SLC5A8: variants seen among roughly 807,000 people sequenced by gnomAD.
SLC5A8 encodes solute carrier family 5 member 8.
In SLC5A8, 55 loss-of-function variants were observed where a neutral mutation model predicts 71.9. The observed-to-expected ratio is 0.77, with a 90% CI of 0.62 to 0.96. The LOEUF is 0.96. Among genes scored for constraint, SLC5A8 ranks in the 40% least tolerant of loss-of-function variants. The pLI is 0.00. For synonymous variants in SLC5A8, 307 were observed against 276.1 expected, an observed-to-expected ratio of 1.11 and a Z score of -1.11; for missense variants, 701 against 745.3, an observed-to-expected ratio of 0.94 and a Z score of 0.69.
chr12:101,170,436 G>T (rs1479383464), intron 10 of SLC5A8, among the ~76,000 whole-genome samples: 3 of 152,112 alleles, frequency 2.0e-5, no homozygotes, highest in African/African-American at 4.8e-5. Flanking sequence ...CAGCCCGCTA[G>T]GGACCCTGGA....
chr12:101,206,079 C>T (rs1445623575), intron 1 of SLC5A8, among the ~76,000 whole-genome samples: 1 of 152,146 alleles, frequency 6.6e-6, no homozygotes, highest in Non-Finnish European at 1.5e-5. Flanking sequence ...TAATTTGTTT[C>T]CCTCTCATTT....
At chr12:101,196,863 C>T (rs1311840620) in intron 3 of SLC5A8, among the ~76,000 whole-genome samples, 2 of 152,144 alleles carry the variant, frequency 1.3e-5, no homozygotes, top group African/African-American at 4.8e-5. Context: ...GATAACTGGG[C>T]CACTCAACAG....
In SLC5A8 at chr12:101,169,686, G is replaced by C. The variant is rs777585752; in HGVS notation, c.1234-1504C>G. Among the ~76,000 whole-genome samples, 52 of 152,230 alleles carry C rather than the reference G, an allele frequency of 3.4e-4. 1 individual carries two copies. The highest frequency in any genetic ancestry group is 2.1e-4 in the South Asian group (1 of 4,816). ...GCCCAAGTGGCCAAGGAAATTTCAG[G>C]GAGCACTTGGGGTCATCAGATAATA... On this transcript the variant is annotated intron_variant, in intron 10 of 14. Coordinates refer to ENST00000536262, the MANE Select transcript of SLC5A8 (RefSeq NM_145913.5).
Position 101,200,299 on chromosome 12 carries a change from G to A in SLC5A8, c.469+1865C>T, listed in dbSNP as rs146828541. ...GACGGAAATAGTCTATATCTTGAGC[G>A]GGGTGGTAGTCACACAAGCTATTAG... On this transcript the variant is annotated intron_variant, in intron 3 of 14. Transcript: ENST00000536262. Among the ~76,000 whole-genome samples, 85 of 152,034 alleles carry A rather than the reference G, an allele frequency of 5.6e-4. 1 individual carries two copies. The East Asian group carries it at 0.013, about 22-fold the overall frequency.
intron 4 of SLC5A8, 94 bp downstream of exon 4, chr12:101,195,001 G>A: frequency 8.2e-7 from 1 of 1,212,528 alleles, no homozygotes; most frequent in Non-Finnish European, 1.2e-6. Flanking sequence ...GAGAGTAAGT[G>A]TGGACAAACA....
chr12:101,164,485 C>G (rs1206602434), intron 12 of SLC5A8, among the ~76,000 whole-genome samples: 1 of 152,116 alleles, frequency 6.6e-6, no homozygotes, highest in Non-Finnish European at 1.5e-5. Flanking sequence ...TCTAGGCAAC[C>G]AAAGCATCAC....
intron 6 of SLC5A8, among the ~76,000 whole-genome samples, chr12:101,190,241 A>G (rs1868835941): frequency 6.6e-6 from 1 of 152,216 alleles, no homozygotes; most frequent in Admixed American, 6.5e-5. Context: ...ATGCACAATA[A>G]ATGCTGATTT....
intron 10 of SLC5A8, among the ~76,000 whole-genome samples, chr12:101,173,474 C>T (rs1395061681): frequency 1.3e-5 from 2 of 152,194 alleles, no homozygotes; most frequent in Non-Finnish European, 2.9e-5. Context: ...CACCCAGGAT[C>T]ATCATTCCAC....
intron 2 of SLC5A8, among the ~76,000 whole-genome samples, chr12:101,202,884 C>A (rs1442710118): frequency 6.6e-6 from 1 of 152,084 alleles, no homozygotes; most frequent in Non-Finnish European, 1.5e-5. Context: ...CCCATAAAAG[C>A]AAATTCCATG....
At chr12:101,177,301 T>C (rs2051888010) in intron 10 of SLC5A8, among the ~76,000 whole-genome samples, 1 of 152,096 alleles carries the variant, frequency 6.6e-6, no homozygotes, top group East Asian at 1.9e-4. Context: ...CCCAGATGCT[T>C]TCCCTAGAGA....
chr12:101,201,895 C>T (rs1869468374), intron 3 of SLC5A8, among the ~76,000 whole-genome samples: 1 of 152,114 alleles, frequency 6.6e-6, no homozygotes, highest in Non-Finnish European at 1.5e-5. Context: ...AGCTTTAATT[C>T]TAAAGGAGTG....
rs1333441288 is a variant in SLC5A8, at chr12:101,193,823, T to C, written c.538-44A>G. 5 of 1,593,592 alleles carry C rather than the reference T, an allele frequency of 3.1e-6. No individual in the cohort carries two copies. The African/African-American group carries it at 6.8e-5, about 22-fold the overall frequency. On this transcript the variant is annotated intron_variant, in intron 4 of 14. Coordinates refer to ENST00000536262, the MANE Select transcript of SLC5A8 (RefSeq NM_145913.5). ...TTAGGATTAATGCTTCTATTAGACA[T>C]TATTAAGCATCTACACACTTATACA...
intron 7 of SLC5A8, among the ~76,000 whole-genome samples, chr12:101,185,928 C>T (rs1223193252): frequency 6.6e-6 from 1 of 151,994 alleles, no homozygotes; most frequent in Non-Finnish European, 1.5e-5. Context: ...CATGGTATCC[C>T]CAGTGAAGTG....
intron 1 of SLC5A8, 132 bp downstream of exon 1, chr12:101,209,366 G>A (rs1394801321): frequency 1.9e-5 from 13 of 677,926 alleles, no homozygotes; most frequent in Non-Finnish European, 4.9e-6. Context: ...TGAAGGGAGG[G>A]TGATGATGAC....
At chr12:101,183,928 G>C (rs1476941543) in intron 8 of SLC5A8, among the ~76,000 whole-genome samples, 1 of 152,026 alleles carries the variant, frequency 6.6e-6, no homozygotes, top group Non-Finnish European at 1.5e-5. Context: ...TAGAGAGCAG[G>C]GACCTAGTTA....
At chr12:101,166,313 T>A (rs569325780) in intron 12 of SLC5A8, among the ~76,000 whole-genome samples, 181 bp downstream of exon 12, 1 of 152,154 alleles carries the variant, frequency 6.6e-6, no homozygotes, top group Non-Finnish European at 1.5e-5. Flanking sequence ...TCTAGAGAAA[T>A]TATGAAAATA....
intron 14 of SLC5A8, among the ~76,000 whole-genome samples, chr12:101,157,680 A>T (rs1246400845): frequency 6.6e-6 from 1 of 152,184 alleles, no homozygotes; most frequent in Non-Finnish European, 1.5e-5. Context: ...GATATAACAG[A>T]TATAAGTTAT....
intron 13 of SLC5A8, among the ~76,000 whole-genome samples, chr12:101,160,167 G>A (rs2051711346): frequency 6.6e-6 from 1 of 152,086 alleles, no homozygotes; most frequent in Non-Finnish European, 1.5e-5. Context: ...GGGCAAAAGA[G>A]CGAGATTCCA....
chr12:101,186,904 A>T (rs1014876317), intron 7 of SLC5A8, among the ~76,000 whole-genome samples: 2 of 152,190 alleles, frequency 1.3e-5, no homozygotes, highest in Non-Finnish European at 2.9e-5. Context: ...TAAATGAAGC[A>T]TGTTAAGCTC....
Sources: allele counts gnomAD v4.1 joint callset (sites outside exome capture counted in the v4.1 genomes callset), GRCh38; gene constraint gnomAD v4.1.1; transcripts MANE v1.5; gene names NCBI Gene and HGNC (gene_info 2026-07-23, HGNC 2026-07-21).